The following ZNF385D variants were observed in gnomAD, a reference collection of about 807,000 sequenced individuals.
ZNF385D encodes zinc finger protein 659.
In ZNF385D, 15 loss-of-function variants were observed where a neutral mutation model predicts 35.8. The ratio of observed to expected loss-of-function variants is 0.42; its 90% CI spans 0.28 to 0.64. ZNF385D has a LOEUF of 0.64. Ranked by LOEUF, ZNF385D falls within the 30% of genes least tolerant of loss-of-function variation. ZNF385D has a pLI of 0.23. For missense variants in ZNF385D, 474 were observed against 494.6 expected (o/e 0.96, Z 0.39); for synonymous variants, 212 against 186.8 (o/e 1.13, Z -1.10).
At position 21,421,120 on chromosome 3, in the gene ZNF385D, T is replaced by C. The variant is rs928700420; in HGVS notation, c.*94A>G. The stretch of plus-strand genomic sequence containing the variant: ...AAGTCCTGGCTCTTCAGATATACTT[T>C]AAACTATAAATAAACACTGCATAGT... On this transcript the variant is annotated 3_prime_UTR_variant, in exon 8 of 8. Coordinates refer to ENST00000281523, the MANE Select transcript of ZNF385D (RefSeq NM_024697.3). 9 of 1,033,752 alleles carry C rather than the reference T, an allele frequency of 8.7e-6. No individual in the cohort carries two copies. The highest frequency in any genetic ancestry group is 1.2e-5 in the Non-Finnish European group (9 of 721,234). The allele number at this position is 1,033,752 out of a possible 1,614,324, so 64.0% of individuals were successfully genotyped here. A position where few individuals can be genotyped will look rare whatever the true frequency, so the allele number is the denominator to read the frequency against.
intron 3 of ZNF385D, among the ~76,000 whole-genome samples, chr3:21,991,919 T>C (rs767149670): frequency 1.3e-5 from 2 of 152,292 alleles, no homozygotes; most frequent in South Asian, 4.1e-4. Context: ...AAAGACAGTA[T>C]TTTGATGAAT....
intron 3 of ZNF385D, among the ~76,000 whole-genome samples, chr3:22,117,819 T>A (rs185916402): frequency 3.8e-4 from 58 of 152,150 alleles, no homozygotes; most frequent in Non-Finnish European, 4.0e-4. Context: ...AGCATTTAGA[T>A]GACAAAGGTA....
chr3:22,122,841 T>A (rs1703166754), intron 3 of ZNF385D, among the ~76,000 whole-genome samples: 1 of 152,140 alleles, frequency 6.6e-6, no homozygotes, highest in African/African-American at 2.4e-5. Context: ...GCAAAGGCCC[T>A]GATGTAGAAA....
At chr3:21,938,639 C>T (rs1298497138) in intron 3 of ZNF385D, among the ~76,000 whole-genome samples, 1 of 152,194 alleles carries the variant, frequency 6.6e-6, no homozygotes, top group Admixed American at 6.5e-5. Context: ...CAGACACCTG[C>T]CATGTCAGTC....
chr3:22,199,960 A>G (rs556473402), intron 2 of ZNF385D, among the ~76,000 whole-genome samples: 1 of 152,226 alleles, frequency 6.6e-6, no homozygotes, highest in African/African-American at 2.4e-5. Flanking sequence ...TAAAAACTTT[A>G]CCTGCTGGAT....
chr3:21,660,809 T>C lies in ZNF385D; in HGVS notation c.165+4077A>G, dbSNP rs1048090248. Among the ~76,000 whole-genome samples, 6 of 152,228 alleles carry C rather than the reference T, an allele frequency of 3.9e-5. No homozygotes were observed. In the East Asian group the frequency reaches 1.2e-3, roughly 29 times the overall value. On this transcript the variant is annotated intron_variant, in intron 2 of 7. Coordinates refer to ENST00000281523, the MANE Select transcript of ZNF385D (RefSeq NM_024697.3). Reference sequence around the variant, plus strand: ...TAAATTGTTTGTTTAGTTATTTTATTGTACAGGACACTGGGGCTCTGATAG... The same window carrying C: ...TAAATTGTTTGTTTAGTTATTTTATCGTACAGGACACTGGGGCTCTGATAG...
intron 3 of ZNF385D, among the ~76,000 whole-genome samples, chr3:22,041,370 C>T (rs1288594208): frequency 6.6e-6 from 1 of 152,078 alleles, no homozygotes; most frequent in Non-Finnish European, 1.5e-5. Flanking sequence ...CACACAACCA[C>T]AGGAATTGCA....
chr3:21,890,514 G>C (rs1480551710), intron 3 of ZNF385D, among the ~76,000 whole-genome samples: 1 of 152,096 alleles, frequency 6.6e-6, no homozygotes, highest in Non-Finnish European at 1.5e-5. Context: ...AGCTACTCAG[G>C]AGGCTGAGGC....
At position 21,699,885 on chromosome 3, in the gene ZNF385D, G is replaced by A. The variant is rs564619228; in HGVS notation, c.23-34857C>T. The stretch of plus-strand genomic sequence containing the variant: ...CTTGCTCTGTCGCCCAGGTTGAAGT[G>A]CAGTGGTGCGATCTTGGCTCACTAC... On this transcript the variant is annotated intron_variant, in intron 1 of 7. Coordinates refer to ENST00000281523, the MANE Select transcript of ZNF385D (RefSeq NM_024697.3). Among the ~76,000 whole-genome samples the A allele has an allele frequency of 3.7e-5, 5 of 133,758 alleles. No homozygotes were observed. The East Asian group carries it at 1.1e-3, about 29-fold the overall frequency. 87.8% of individuals were successfully genotyped at this position (133,758 alleles called of 152,430 possible).
chr3:21,734,285 G>GTT (rs5847129), intron 1 of ZNF385D, among the ~76,000 whole-genome samples: 1,653 of 148,766 alleles, frequency 0.011, 21 homozygotes, highest in African/African-American at 0.033. Context: ...AACACTCAGG[G>GTT]TTTTTTTTTT....
Position 21,873,572 on chromosome 3 carries a change from G to A in ZNF385D, c.326-208544C>T, listed in dbSNP as rs188288363. 7.9e-5 allele frequency among the ~76,000 whole-genome samples: 12 copies of A among 152,136 alleles called. No individual in the cohort carries two copies. In the East Asian group the frequency reaches 2.3e-3, roughly 29 times the overall value. Reference sequence around the variant, plus strand: ...ACTATAAGCACTATGTTACACAGCTGATCTGCAGAACTTTTGCATCCTGTG... The same window carrying A: ...ACTATAAGCACTATGTTACACAGCTAATCTGCAGAACTTTTGCATCCTGTG... On this transcript the variant is annotated intron_variant, in intron 3 of 5. Transcript: ENST00000494108.
At chr3:21,562,835 TTTA>T (rs1020016064) in intron 3 of ZNF385D, among the ~76,000 whole-genome samples, 3 of 31,526 alleles carry the variant, frequency 9.5e-5, no homozygotes, top group Admixed American at 2.3e-4. Flanking sequence ...AGGACTCTTT[TTTA>T]ACAACAGCTT....
chr3:21,575,439 T>G (rs2063469241), intron 2 of ZNF385D, among the ~76,000 whole-genome samples: 1 of 152,170 alleles, frequency 6.6e-6, no homozygotes, highest in Non-Finnish European at 1.5e-5. Context: ...AAACCCAAAT[T>G]TGATGATTTG....
chr3:21,454,820 G>C (rs147765041), intron 4 of ZNF385D, among the ~76,000 whole-genome samples: 42,052 of 152,026 alleles, frequency 0.28, 6,458 homozygotes, highest in East Asian at 0.43. Context: ...CAGATGACAT[G>C]ATTGTATATC....
chr3:21,894,506 C>G (rs1699034484), intron 3 of ZNF385D, among the ~76,000 whole-genome samples: 1 of 151,406 alleles, frequency 6.6e-6, no homozygotes, highest in Admixed American at 6.6e-5. Context: ...GATGAAAACA[C>G]ACTTTTATTT....
Position 22,304,768 on chromosome 3 carries a change from A to G in ZNF385D, c.106+67682T>C, listed in dbSNP as rs192555779. On this transcript the variant is annotated intron_variant, in intron 2 of 5. Coordinates refer to the ZNF385D transcript ENST00000494108. The stretch of plus-strand genomic sequence containing the variant: ...ATTTCTTAAATTCTCTCTTCACACA[A>G]TCAGGCATATAAGAACTATTTTTCA... Among the ~76,000 whole-genome samples the G allele has an allele frequency of 7.1e-3, 1,087 of 152,290 alleles. 9 individuals are homozygous for G. The highest frequency in any genetic ancestry group is 0.024 in the African/African-American group (1,007 of 41,566).
At chr3:22,246,404 A>T (rs1464342806) in intron 2 of ZNF385D, among the ~76,000 whole-genome samples, 1 of 152,126 alleles carries the variant, frequency 6.6e-6, no homozygotes, top group Admixed American at 6.6e-5. Context: ...AACATCAGCA[A>T]ATATGAATTG....
At chr3:22,086,725 C>T (rs1286292023) in intron 3 of ZNF385D, among the ~76,000 whole-genome samples, 1 of 152,146 alleles carries the variant, frequency 6.6e-6, no homozygotes, top group Admixed American at 6.6e-5. Flanking sequence ...AAATATGGCA[C>T]ATATACACCA....
chr3:21,614,820 C>T (rs949526296), intron 2 of ZNF385D, among the ~76,000 whole-genome samples: 2 of 152,132 alleles, frequency 1.3e-5, no homozygotes, highest in Non-Finnish European at 2.9e-5. Flanking sequence ...AGCTCTTGAC[C>T]TCGTGATCTG....
Sources: gnomAD v4.1 joint callset for allele counts (sites outside exome capture counted in the v4.1 genomes callset) on GRCh38, gnomAD v4.1.1 for gene constraint, MANE v1.5 for transcripts, NCBI Gene and HGNC (gene_info 2026-07-23, HGNC 2026-07-21) for gene names.